Variants in MBP observed in about 807,000 individuals in gnomAD.
MBP encodes the protein Golli-MBP.
In MBP, 16 loss-of-function variants were observed where a neutral mutation model predicts 35.8. The ratio of observed to expected loss-of-function variants is 0.45; its 90% CI spans 0.30 to 0.68. The LOEUF (loss-of-function observed/expected upper bound fraction) is 0.68, where lower values mean the gene tolerates loss of function less well. Among genes scored for constraint, MBP ranks in the 30% least tolerant of loss-of-function variants. The pLI is 0.08. For synonymous variants in MBP, 143 were observed against 159.6 expected, an observed-to-expected ratio of 0.90 and a Z score of 0.78; for missense variants, 380 against 404.7, an observed-to-expected ratio of 0.94 and a Z score of 0.52.
At chr18:77,074,607 C>T (rs867404789) in intron 2 of MBP, among the ~76,000 whole-genome samples, 3 of 151,902 alleles carry the variant, frequency 2.0e-5, no homozygotes, top group Non-Finnish European at 4.4e-5. Flanking sequence ...GGGAACATGG[C>T]GAGAGTGGTG....
At chr18:77,060,850 C>T (rs1283149359) in intron 3 of MBP, among the ~76,000 whole-genome samples, 3 of 152,192 alleles carry the variant, frequency 2.0e-5, no homozygotes, top group Non-Finnish European at 4.4e-5. Flanking sequence ...GAAGTCGCAC[C>T]CCCAGTTGCA....
intron 3 of MBP, among the ~76,000 whole-genome samples, chr18:77,018,405 A>G (rs1971776512): frequency 1.2e-5 from 1 of 84,938 alleles, no homozygotes; most frequent in African/African-American, 2.9e-5. Context: ...CCACTCATCC[A>G]TCCACCCACC....
intron 8 of MBP, chr18:76,982,286 T>A (rs1289213705): frequency 2.0e-5 from 3 of 152,238 alleles, no homozygotes; most frequent in Admixed American, 1.3e-4. Context: ...AGTCACATGA[T>A]CTCAGCATCT....
At chr18:76,993,730 G>A (rs1182484264) in intron 4 of MBP, among the ~76,000 whole-genome samples, 2 of 152,138 alleles carry the variant, frequency 1.3e-5, no homozygotes, top group Non-Finnish European at 2.9e-5. Flanking sequence ...ACTCTTCACA[G>A]AAGGCCACTG....
intron 4 of MBP, chr18:77,009,995 C>T (rs2123403084): frequency 1.8e-6 from 2 of 1,083,562 alleles, no homozygotes; most frequent in East Asian, 5.2e-5. Flanking sequence ...CAAAGTCCTC[C>T]AGCAAATCTC....
chr18:77,133,348 C>CT (rs1328245432), upstream of MBP, among the ~76,000 whole-genome samples: 1 of 152,184 alleles, frequency 6.6e-6, no homozygotes, highest in Non-Finnish European at 1.5e-5. Context: ...GAGCTGGGAG[C>CT]TAGGGGCGCA....
At chr18:77,116,296 T>A (rs1976658007) in intron 1 of MBP, among the ~76,000 whole-genome samples, 1 of 152,348 alleles carries the variant, frequency 6.6e-6, no homozygotes, top group South Asian at 2.1e-4. Context: ...TCTGAGCTGA[T>A]CTCCTAAAGG....
intron 2 of MBP, among the ~76,000 whole-genome samples, chr18:77,092,280 T>C (rs35177629): frequency 0.086 from 13,107 of 152,264 alleles, 766 homozygotes; most frequent in Non-Finnish European, 0.13. Flanking sequence ...CCCGTCGGGC[T>C]GCACCCTCCC....
At chr18:77,062,511 G>GAAA (rs3056727) in intron 3 of MBP, among the ~76,000 whole-genome samples, 15 of 131,934 alleles carry the variant, frequency 1.1e-4, no homozygotes, top group Non-Finnish European at 1.6e-4. Flanking sequence ...GAAAGCTGTC[G>GAAA]AAAAAAAAAA....
intron 2 of MBP, among the ~76,000 whole-genome samples, chr18:77,069,332 T>C (rs1433608536): frequency 6.6e-6 from 1 of 152,230 alleles, no homozygotes; most frequent in Non-Finnish European, 1.5e-5. Context: ...CGATAGTCTT[T>C]CCTCAGCTAG....
At chr18:77,001,937 C>G (rs1568278995) in intron 4 of MBP, among the ~76,000 whole-genome samples, 1 of 152,238 alleles carries the variant, frequency 6.6e-6, no homozygotes, top group African/African-American at 2.4e-5. Flanking sequence ...GACACAGCCA[C>G]GTGTTGGAAC....
In MBP at chr18:77,047,571, C is replaced by T. The variant is rs1490474651; in HGVS notation, c.139+18727G>A. Among the ~76,000 whole-genome samples the T allele has an allele frequency of 2.6e-5, 4 of 152,290 alleles. No homozygotes were observed. In the East Asian group the frequency reaches 7.7e-4, roughly 29 times the overall value. On this transcript the variant is annotated intron_variant, in intron 3 of 8. Transcript: ENST00000355994. Reference sequence around the variant, plus strand: ...CTAAGGTTAGTTAACGATGGTTGCACAGTTCTGGGGATACACTAAAAACCG... The same window carrying T: ...CTAAGGTTAGTTAACGATGGTTGCATAGTTCTGGGGATACACTAAAAACCG...
At chr18:77,018,526 C>T (rs1038242470) in intron 3 of MBP, among the ~76,000 whole-genome samples, 12 of 149,488 alleles carry the variant, frequency 8.0e-5, no homozygotes, top group Non-Finnish European at 5.9e-5. Flanking sequence ...TCCATCCATA[C>T]ACACACCCAC....
chr18:77,030,242 T>C (rs142986326), intron 3 of MBP, among the ~76,000 whole-genome samples: 4 of 152,262 alleles, frequency 2.6e-5, no homozygotes, highest in East Asian at 3.9e-4. Flanking sequence ...TTTTCCATGA[T>C]TGGCAATCCA....
At chr18:77,099,914 C>G (rs1474774172) in intron 2 of MBP, among the ~76,000 whole-genome samples, 1 of 152,348 alleles carries the variant, frequency 6.6e-6, no homozygotes, top group Middle Eastern at 3.4e-3. Context: ...GCAGAGACTG[C>G]GTGTGGCTGC....
chr18:77,075,248 T>C, intron 2 of MBP, among the ~76,000 whole-genome samples: 1 of 152,232 alleles, frequency 6.6e-6, no homozygotes. Context: ...CATTTATTAA[T>C]TACCTTTGAG....
intron 3 of MBP, among the ~76,000 whole-genome samples, chr18:77,038,085 C>A (rs374356348): frequency 6.6e-6 from 1 of 152,128 alleles, no homozygotes; most frequent in Non-Finnish European, 1.5e-5. Context: ...TAACAGCCAG[C>A]GACTACTAAG....
Position 77,101,980 on chromosome 18 carries a change from T to G in MBP, c.51+3231A>C, listed in dbSNP as rs1976034343. 6.6e-6 allele frequency among the ~76,000 whole-genome samples: 1 copy of G among 152,198 alleles called. No individual in the cohort carries two copies. Among genetic ancestry groups the G allele is most frequent in the South Asian group, 2.1e-4 (1 of 4,826 alleles). The stretch of plus-strand genomic sequence containing the variant: ...GTTATGTGCTGGGGATGCTCCAGGC[T>G]TAGAGACGGAGGCATCAGAGAGAGG... On this transcript the variant is annotated intron_variant, in intron 2 of 8. Coordinates refer to ENST00000355994, the MANE Select transcript of MBP (RefSeq NM_001025101.2). This position sits in a 1 kb window ranked among gnomAD's most constrained non-coding sequence, Gnocchi z 4.3.
intron 2 of MBP, among the ~76,000 whole-genome samples, chr18:77,070,679 G>C (rs1393145600): frequency 6.6e-6 from 1 of 152,144 alleles, no homozygotes; most frequent in Non-Finnish European, 1.5e-5. Context: ...TTTCCCTGGG[G>C]GTCAGTGTGG....
Sources: gnomAD v4.1 joint callset for allele counts (sites outside exome capture counted in the v4.1 genomes callset) on GRCh38, gnomAD v4.1.1 for gene constraint, Gnocchi (gnomAD v3.1) non-coding constraint, MANE v1.5 for transcripts, NCBI Gene and HGNC (gene_info 2026-07-23, HGNC 2026-07-21) for gene names.